The following INPP4B variants were observed in gnomAD, a reference collection of about 807,000 sequenced individuals.
INPP4B encodes the protein inositol polyphosphate 4-phosphatase type II.
Under a neutral mutation model 122.5 loss-of-function variants are expected in INPP4B, and 55 were observed. The ratio of observed to expected loss-of-function variants is 0.45; its 90% confidence interval spans 0.36 to 0.56. INPP4B has a LOEUF of 0.56. Among genes scored for constraint, INPP4B ranks in the 20% least tolerant of loss-of-function variants. The probability of loss-of-function intolerance (pLI) is 0.00; values close to 1 mark genes in which losing one functional copy is unlikely to be tolerated. For missense variants in INPP4B, 1,000 were observed against 1,097.7 expected, an observed-to-expected ratio of 0.91 and a Z score of 1.26; for synonymous variants, 403 against 388.7, an observed-to-expected ratio of 1.04 and a Z score of -0.43.
At chr4:142,737,225 C>T (rs1159238771) in intron 1 of INPP4B, among the ~76,000 whole-genome samples, 6 of 152,128 alleles carry the variant, frequency 3.9e-5, no homozygotes, top group Admixed American at 1.3e-4. Context: ...TACAAGGCTA[C>T]AGTAACCAAA....
intron 25 of INPP4B, among the ~76,000 whole-genome samples, chr4:142,071,315 A>C (rs1388760021): frequency 2.6e-5 from 4 of 152,018 alleles, no homozygotes; most frequent in Non-Finnish European, 4.4e-5. Context: ...CCCTTCCTTA[A>C]ACCTTATACA....
At chr4:142,056,060 G>A (rs1278928919) in intron 25 of INPP4B, among the ~76,000 whole-genome samples, 1 of 151,894 alleles carries the variant, frequency 6.6e-6, no homozygotes, top group Non-Finnish European at 1.5e-5. Context: ...CGCATGTGCA[G>A]TTTGTAATAG....
chr4:142,045,212 T>C (rs1343283848), intron 25 of INPP4B, among the ~76,000 whole-genome samples: 1 of 152,108 alleles, frequency 6.6e-6, no homozygotes, highest in East Asian at 1.9e-4. Flanking sequence ...CCTGAACTGA[T>C]CCCTTCTTCA....
intron 2 of INPP4B, among the ~76,000 whole-genome samples, chr4:142,649,972 T>C (rs1164640357): frequency 6.6e-6 from 1 of 152,310 alleles, no homozygotes; most frequent in African/African-American, 2.4e-5. Context: ...GAGAGAAAGG[T>C]TGGGTTACCC....
intron 9 of INPP4B, among the ~76,000 whole-genome samples, chr4:142,303,709 AT>A (rs1231524780): frequency 6.6e-6 from 1 of 152,038 alleles, no homozygotes; most frequent in African/African-American, 2.4e-5. Flanking sequence ...TTCTAACATT[AT>A]TTTTTCTAGA....
At chr4:142,344,443 C>A (rs1221220765) in intron 7 of INPP4B, among the ~76,000 whole-genome samples, 2 of 151,980 alleles carry the variant, frequency 1.3e-5, no homozygotes, top group Non-Finnish European at 2.9e-5. Context: ...CCTTTTTCCA[C>A]CATGCCTGTT....
At chr4:142,262,900 A>G (rs1376347995) in intron 10 of INPP4B, among the ~76,000 whole-genome samples, 1 of 152,242 alleles carries the variant, frequency 6.6e-6, no homozygotes, top group East Asian at 1.9e-4. Flanking sequence ...TTCAAAGAAC[A>G]GGAGCAACAT....
chr4:142,816,992 T>C (rs1330499901), intron 1 of INPP4B, among the ~76,000 whole-genome samples: 1 of 152,234 alleles, frequency 6.6e-6, no homozygotes, highest in East Asian at 1.9e-4. Context: ...TGCAGATTCA[T>C]TGAGTAAAGT....
At chr4:142,622,084 T>A (rs2150376484) in intron 2 of INPP4B, among the ~76,000 whole-genome samples, 1 of 152,112 alleles carries the variant, frequency 6.6e-6, no homozygotes, top group South Asian at 2.1e-4. Context: ...TCTTCATGTA[T>A]AAATGACCTG....
intron 7 of INPP4B, among the ~76,000 whole-genome samples, chr4:142,377,259 C>T (rs1792278428): frequency 6.6e-6 from 1 of 151,496 alleles, no homozygotes; most frequent in Admixed American, 6.6e-5. Context: ...AGTGAAGAAA[C>T]ATTTTGCTGA....
intron 1 of INPP4B, among the ~76,000 whole-genome samples, chr4:142,779,892 G>A (rs1477401671): frequency 6.6e-6 from 1 of 152,042 alleles, no homozygotes; most frequent in Non-Finnish European, 1.5e-5. Flanking sequence ...AAACCTGTGT[G>A]GTTGAAGAGA....
chr4:142,181,661 TATA>T (rs905440370), intron 15 of INPP4B, among the ~76,000 whole-genome samples: 10 of 152,248 alleles, frequency 6.6e-5, no homozygotes, highest in African/African-American at 2.4e-4. Context: ...TCAAAATGCT[TATA>T]ATATTTTACT....
At chr4:142,362,683 C>T (rs1785878596) in intron 7 of INPP4B, among the ~76,000 whole-genome samples, 1 of 151,934 alleles carries the variant, frequency 6.6e-6, no homozygotes, top group African/African-American at 2.4e-5. Context: ...ATGTCCTCTG[C>T]AGCAACATGG....
intron 9 of INPP4B, among the ~76,000 whole-genome samples, chr4:142,298,827 G>A (rs1340007659): frequency 1.3e-5 from 2 of 151,912 alleles, no homozygotes; most frequent in African/African-American, 4.8e-5. Context: ...ACATTAAGAA[G>A]TTGGACTGCT....
At chr4:142,207,827 T>G (rs182712528) in intron 14 of INPP4B, among the ~76,000 whole-genome samples, 1 of 152,246 alleles carries the variant, frequency 6.6e-6, no homozygotes, top group South Asian at 2.1e-4. Flanking sequence ...GGCAAGAGAT[T>G]ATGTAGAATG....
At chr4:142,330,825 G>A (rs965838149) in intron 7 of INPP4B, among the ~76,000 whole-genome samples, 2 of 151,998 alleles carry the variant, frequency 1.3e-5, no homozygotes, top group African/African-American at 4.8e-5. Flanking sequence ...TTGCTGCCTC[G>A]GGGCTTAAAG....
chr4:142,623,931 G>A (rs1202083803), intron 2 of INPP4B, among the ~76,000 whole-genome samples: 1 of 152,020 alleles, frequency 6.6e-6, no homozygotes, highest in African/African-American at 2.4e-5. Flanking sequence ...GTATTCCACG[G>A]TGTATATGTG....
intron 2 of INPP4B, among the ~76,000 whole-genome samples, chr4:142,493,485 G>A (rs939256492): frequency 8.5e-5 from 13 of 152,218 alleles, no homozygotes; most frequent in Non-Finnish European, 1.9e-4. Flanking sequence ...AGCTGCCCAA[G>A]GCTGTGGGAG....
At chr4:142,633,768 T>C (rs1748500311) in intron 2 of INPP4B, among the ~76,000 whole-genome samples, 1 of 151,684 alleles carries the variant, frequency 6.6e-6, no homozygotes. Flanking sequence ...GACACAAAAT[T>C]GATAAAAACT....
Sources: allele counts gnomAD v4.1 joint callset (sites outside exome capture counted in the v4.1 genomes callset), GRCh38; gene constraint gnomAD v4.1.1; transcripts MANE v1.5; gene names NCBI Gene and HGNC (gene_info 2026-07-23, HGNC 2026-07-21).